ROBO2: variants seen among roughly 807,000 people sequenced by gnomAD.
ROBO2 encodes roundabout guidance receptor 2, also known as roundabout homolog 2.
Under a neutral mutation model 160.8 loss-of-function variants are expected in ROBO2, and 53 were observed. The ratio of observed to expected loss-of-function variants is 0.33; its 90% CI spans 0.26 to 0.41. The LOEUF (loss-of-function observed/expected upper bound fraction) is 0.41. Ranked by LOEUF, ROBO2 falls within the 10% of genes least tolerant of loss-of-function variation. The pLI is 1.00. For synonymous variants in ROBO2, 664 were observed against 611.7 expected (o/e 1.09, Z -1.26); for missense variants, 1,577 against 1,722.4 (o/e 0.92, Z 1.49).
At chr3:77,066,461 T>C (rs2066852155) in intron 1 of ROBO2, among the ~76,000 whole-genome samples, 1 of 152,118 alleles carries the variant, frequency 6.6e-6, no homozygotes, top group Non-Finnish European at 1.5e-5. Flanking sequence ...TTAATTATAG[T>C]CTAATCATAT....
chr3:76,214,375 C>G (rs897400790), intron 2 of ROBO2, among the ~76,000 whole-genome samples: 1 of 152,174 alleles, frequency 6.6e-6, no homozygotes, highest in Non-Finnish European at 1.5e-5. Flanking sequence ...ATTGCCTCAC[C>G]CAGGAAGCAC....
At chr3:76,564,994 C>T (rs1382848726) in intron 2 of ROBO2, among the ~76,000 whole-genome samples, 1 of 152,088 alleles carries the variant, frequency 6.6e-6, no homozygotes, top group Admixed American at 6.5e-5. Context: ...AAGAGGGAGG[C>T]TGGTACAAAA....
At chr3:77,050,677 T>C (rs1002254501) in intron 1 of ROBO2, among the ~76,000 whole-genome samples, 35 of 150,480 alleles carry the variant, frequency 2.3e-4, no homozygotes, top group African/African-American at 8.6e-4. Flanking sequence ...TTTTGCATTG[T>C]AATTGTTTTC....
At chr3:76,813,734 T>C (rs770322706) in intron 2 of ROBO2, among the ~76,000 whole-genome samples, 11 of 152,142 alleles carry the variant, frequency 7.2e-5, no homozygotes, top group Non-Finnish European at 1.5e-4. Flanking sequence ...CATACACATA[T>C]GCATTTTTTT....
chr3:77,080,171 G>T (rs1239635712), intron 1 of ROBO2, among the ~76,000 whole-genome samples: 13 of 152,050 alleles, frequency 8.5e-5, no homozygotes. Flanking sequence ...TAGATAAAAT[G>T]GTCTTCCTAC....
In ROBO2 at chr3:76,380,009, A is replaced by T. The variant is rs531757740; in HGVS notation, c.109+442407A>T. On this transcript the variant is annotated intron_variant, in intron 2 of 26. Transcript: ENST00000487694. The stretch of plus-strand genomic sequence containing the variant: ...ATTTCTGGGCTGTGTAGATAGTTGT[A>T]CCTTGTTTCTTATGTTATAACCAGT... Among the ~76,000 whole-genome samples, 10 of 151,446 alleles carry T rather than the reference A, an allele frequency of 6.6e-5. 1 individual carries two copies. The highest frequency in any genetic ancestry group is 2.2e-4 in the African/African-American group (9 of 41,236).
At chr3:77,321,068 T>C (rs1166194108) in intron 2 of ROBO2, among the ~76,000 whole-genome samples, 2 of 152,164 alleles carry the variant, frequency 1.3e-5, no homozygotes, top group African/African-American at 2.4e-5. Flanking sequence ...GTTTTAGATT[T>C]TTTTCATAAT....
intron 2 of ROBO2, among the ~76,000 whole-genome samples, chr3:76,967,739 C>G (rs1474337190): frequency 6.8e-6 from 1 of 147,320 alleles, no homozygotes; most frequent in African/African-American, 2.5e-5. Flanking sequence ...GATGGAGGGT[C>G]TTGCCGTATT....
At chr3:76,682,224 A>G (rs1204679071) in intron 2 of ROBO2, among the ~76,000 whole-genome samples, 1 of 152,154 alleles carries the variant, frequency 6.6e-6, no homozygotes, top group East Asian at 1.9e-4. Context: ...TTGAACCCTA[A>G]TATCAACTAT....
chr3:76,059,517 T>G (rs564099060), intron 2 of ROBO2, among the ~76,000 whole-genome samples: 2 of 152,302 alleles, frequency 1.3e-5, no homozygotes, highest in South Asian at 2.1e-4. Context: ...TTCTTGTAAA[T>G]TTTTTGGAGT....
At chr3:77,272,495 C>T (rs144714212) in intron 2 of ROBO2, among the ~76,000 whole-genome samples, 11 of 152,180 alleles carry the variant, frequency 7.2e-5, no homozygotes, top group Non-Finnish European at 1.2e-4. Flanking sequence ...GGGGGAAATA[C>T]GCCCCCATGT....
chr3:76,016,044 C>T (rs989785484), intron 2 of ROBO2, among the ~76,000 whole-genome samples: 3 of 152,016 alleles, frequency 2.0e-5, no homozygotes, highest in African/African-American at 7.3e-5. Context: ...AGTAAATACA[C>T]CATGTGATTC....
chr3:77,003,732 TAG>T (rs985668129), intron 2 of ROBO2, among the ~76,000 whole-genome samples: 6 of 152,082 alleles, frequency 3.9e-5, no homozygotes, highest in Admixed American at 1.3e-4. Flanking sequence ...GTATTTTTAG[TAG>T]AGACAGAGTT....
chr3:77,219,434 G>GTGTATATATATATATATATATA (rs1553852643), intron 2 of ROBO2, among the ~76,000 whole-genome samples: 4 of 115,260 alleles, frequency 3.5e-5, no homozygotes, highest in Non-Finnish European at 5.4e-5. Context: ...GTATGTGTGT[G>GTGTATATATATATATATATATA]TATATATATA....
chr3:76,696,475 G>A (rs566346919), intron 2 of ROBO2, among the ~76,000 whole-genome samples: 1 of 151,560 alleles, frequency 6.6e-6, no homozygotes, highest in East Asian at 1.9e-4. Context: ...TTGCTGGCTC[G>A]AATGCCTGGG....
At chr3:75,990,849 T>C (rs1271475436) in intron 2 of ROBO2, among the ~76,000 whole-genome samples, 10 of 152,194 alleles carry the variant, frequency 6.6e-5, no homozygotes, top group Admixed American at 3.3e-4. Flanking sequence ...TGTGAGGGTC[T>C]TTCCATAAGA....
At chr3:77,375,002 A>G (rs9829418) in intron 2 of ROBO2, among the ~76,000 whole-genome samples, 2,665 of 152,258 alleles carry the variant, frequency 0.018, 27 homozygotes, top group Non-Finnish European at 0.025. Flanking sequence ...TGAGGCCAGG[A>G]GTTTGAGGTC....
At chr3:76,503,570 G>T (rs922662439) in intron 2 of ROBO2, among the ~76,000 whole-genome samples, 6 of 152,154 alleles carry the variant, frequency 3.9e-5, no homozygotes, top group African/African-American at 1.4e-4. Context: ...ATCAACAGAT[G>T]AATAAATATA....
chr3:76,684,885 ATT>A (rs1300183973), intron 2 of ROBO2, among the ~76,000 whole-genome samples: 1 of 152,010 alleles, frequency 6.6e-6, no homozygotes, highest in African/African-American at 2.4e-5. Flanking sequence ...ATGTGTATTT[ATT>A]TTAAATAGCA....
Sources: gnomAD v4.1 joint callset for allele counts (sites outside exome capture counted in the v4.1 genomes callset) on GRCh38, gnomAD v4.1.1 for gene constraint, MANE v1.5 for transcripts, NCBI Gene and HGNC (gene_info 2026-07-23, HGNC 2026-07-21) for gene names.